The following OSTM1 variants were observed in gnomAD, a reference collection of about 807,000 sequenced individuals.
The protein encoded by OSTM1 is osteopetrosis-associated transmembrane protein 1.
OSTM1 carries 26 observed loss-of-function variants against 35.4 expected under a neutral mutation model. The ratio of observed to expected loss-of-function variants is 0.73; its 90% confidence interval spans 0.54 to 1.02. The LOEUF is 1.02. Ranked by LOEUF, OSTM1 falls within the 50% of genes least tolerant of loss-of-function variation. The pLI is 0.00. For synonymous variants in OSTM1, 181 were observed against 165.0 expected (o/e 1.10, Z -0.75); for missense variants, 366 against 409.6 (o/e 0.89, Z 0.92).
intron 2 of OSTM1, among the ~76,000 whole-genome samples, chr6:108,057,462 A>G (rs1223921483): frequency 6.6e-6 from 1 of 152,234 alleles, no homozygotes; most frequent in Admixed American, 6.5e-5. Flanking sequence ...GACAACTGAC[A>G]TAACAATATA....
At chr6:108,050,457 G>A (rs944413125) in intron 4 of OSTM1, among the ~76,000 whole-genome samples, 7 of 139,078 alleles carry the variant, frequency 5.0e-5, no homozygotes, top group East Asian at 2.4e-4. Context: ...TCTCCCTCCC[G>A]GTTTCAAGCG....
At chr6:108,069,180 G>T (rs983358844) in intron 1 of OSTM1, among the ~76,000 whole-genome samples, 9 of 152,142 alleles carry the variant, frequency 5.9e-5, no homozygotes, top group Non-Finnish European at 1.3e-4. Context: ...ATAATTATTT[G>T]TATAATGAGA....
chr6:108,073,440 T>G (rs983419222), intron 1 of OSTM1, among the ~76,000 whole-genome samples: 1 of 152,222 alleles, frequency 6.6e-6, no homozygotes, highest in Non-Finnish European at 1.5e-5. Context: ...TTTTTAAAAT[T>G]AAGTGCCTCA....
Position 108,074,445 on chromosome 6 carries a change from C to T in OSTM1, c.207G>A (p.Gly69=), listed in dbSNP as rs80219951. 5 of 1,557,622 alleles carry T rather than the reference C, an allele frequency of 3.2e-6. No individual in the cohort carries two copies. Among genetic ancestry groups the T allele is most frequent in the Non-Finnish European group, 4.3e-6 (5 of 1,151,066 alleles). Residue 69 remains glycine (G), a synonymous_variant, in exon 1 of 6, where the codon GGG becomes GGA. Coordinates refer to ENST00000193322, the MANE Select transcript of OSTM1 (RefSeq NM_014028.4). ...SLSLLQGGGL[G]PLSLPPDLPD... The stretch of plus-strand genomic sequence containing the variant: ...GCAGGTCCGGGGGCAGCGACAGAGG[C>T]CCCAGCCCTCCACCCTGCAGGAGGG...
chr6:108,049,885 G>A (rs1490255193), intron 4 of OSTM1, among the ~76,000 whole-genome samples: 1 of 152,058 alleles, frequency 6.6e-6, no homozygotes, highest in Non-Finnish European at 1.5e-5. Context: ...AATATTATTG[G>A]TTCTTATAGT....
intron 5 of OSTM1, among the ~76,000 whole-genome samples, chr6:108,048,809 T>G (rs940708576): frequency 2.1e-5 from 3 of 146,204 alleles, no homozygotes; most frequent in Non-Finnish European, 3.0e-5. Context: ...TGGCGTGCAG[T>G]GGTGCGATCT....
At chr6:108,046,300 G>A (rs1771971482) in intron 5 of OSTM1, among the ~76,000 whole-genome samples, 1 of 147,952 alleles carries the variant, frequency 6.8e-6, no homozygotes, top group Admixed American at 6.8e-5. Flanking sequence ...GATTACAGGC[G>A]TGAGCCACCG....
At chr6:108,056,681 C>T (rs1343036734) in intron 2 of OSTM1, among the ~76,000 whole-genome samples, 1 of 152,198 alleles carries the variant, frequency 6.6e-6, no homozygotes, top group Non-Finnish European at 1.5e-5. Context: ...CCCCATTCAC[C>T]TCCTTGTACA....
intron 3 of OSTM1, 77 bp downstream of exon 3, chr6:108,054,413 G>T (rs1183254733): frequency 3.1e-6 from 2 of 650,926 alleles, no homozygotes; most frequent in East Asian, 2.9e-5. Flanking sequence ...AATAATTAGT[G>T]CTCTAAAAAC....
chr6:108,073,275 C>T (rs1772518148), intron 1 of OSTM1, among the ~76,000 whole-genome samples: 1 of 152,194 alleles, frequency 6.6e-6, no homozygotes, highest in Non-Finnish European at 1.5e-5. Flanking sequence ...ACAAGAGGAA[C>T]TTTCTCATTC....
At chr6:108,068,789 T>C (rs1772427309) in intron 1 of OSTM1, among the ~76,000 whole-genome samples, 1 of 152,168 alleles carries the variant, frequency 6.6e-6, no homozygotes, top group Admixed American at 6.6e-5. Context: ...ATTATGTCAT[T>C]CCACAGAATT....
intron 3 of OSTM1, among the ~76,000 whole-genome samples, chr6:108,054,269 T>C (rs1029772700): frequency 2.0e-5 from 3 of 152,204 alleles, no homozygotes; most frequent in Non-Finnish European, 4.4e-5. Context: ...TACTTTAAGA[T>C]AGGCAGGATA....
chr6:108,059,715 T>G (rs753046785), intron 2 of OSTM1, among the ~76,000 whole-genome samples: 5 of 152,204 alleles, frequency 3.3e-5, no homozygotes, highest in Non-Finnish European at 7.3e-5. Flanking sequence ...CTCCCAAAAT[T>G]GATATGTTGA....
intron 2 of OSTM1, among the ~76,000 whole-genome samples, chr6:108,062,465 G>GC (rs1238844911): frequency 1.3e-5 from 2 of 151,792 alleles, no homozygotes; most frequent in African/African-American, 4.8e-5. Context: ...TGAAACTACA[G>GC]CAAGTGAAAC....
chr6:108,059,742 C>A (rs934980381), intron 2 of OSTM1, among the ~76,000 whole-genome samples: 2 of 152,052 alleles, frequency 1.3e-5, no homozygotes, highest in African/African-American at 4.8e-5. Context: ...ATGGCCAATA[C>A]AATAATATCA....
chr6:108,074,189 T>G (rs1383527529), intron 1 of OSTM1, 61 bp downstream of exon 1: 1 of 1,551,622 alleles, frequency 6.4e-7, no homozygotes, highest in Admixed American at 1.7e-5. Context: ...TGACCATCAT[T>G]ACACCCTCCT....
chr6:108,054,571 G>A lies in OSTM1; in HGVS notation c.534C>T (p.Asn178=), dbSNP rs973813146. ...EANCANCLTN[N]SEELSNSTVY... ...CTGTGCTGTTTGATAATTCTTCACT[G>A]TTGTTTGTTAAACAATCTGTCAAAA... Residue 178 remains asparagine, a synonymous_variant, in exon 3 of 6, where the codon AAC becomes AAT. Coordinates refer to ENST00000193322, the MANE Select transcript of OSTM1 (RefSeq NM_014028.4). 1 of 1,536,820 alleles carries A rather than the reference G, an allele frequency of 6.5e-7. No individual in the cohort carries two copies. Among genetic ancestry groups the A allele is most frequent in the East Asian group, 2.3e-5 (1 of 44,316 alleles).
intron 1 of OSTM1, among the ~76,000 whole-genome samples, chr6:108,070,890 CAAAA>C (rs1338011470): frequency 1.2e-5 from 1 of 80,652 alleles, no homozygotes. Context: ...AACTCCGTCT[CAAAA>C]AAAAAAAAAA....
intron 1 of OSTM1, among the ~76,000 whole-genome samples, chr6:108,070,104 C>G (rs1393875022): frequency 2.0e-5 from 3 of 151,978 alleles, no homozygotes; most frequent in Admixed American, 6.6e-5. Flanking sequence ...GTGGTGCAAA[C>G]TTGGTTCACT....
Sources: gnomAD v4.1 joint callset for allele counts (sites outside exome capture counted in the v4.1 genomes callset) on GRCh38, gnomAD v4.1.1 for gene constraint, MANE v1.5 for transcripts, NCBI Gene and HGNC (gene_info 2026-07-23, HGNC 2026-07-21) for gene names.